The following MCPH1 variants were observed in gnomAD, a reference collection of about 807,000 sequenced individuals.
The protein encoded by MCPH1 is microcephalin 1, also known as microcephalin.
Under a neutral mutation model 84.5 loss-of-function variants are expected in MCPH1, and 104 were observed. That is an observed-to-expected ratio of 1.23 (90% CI 1.05 to 1.45). The LOEUF is 1.45. Ranked by LOEUF, MCPH1 falls within the 40% of genes most tolerant of loss-of-function variation. MCPH1 has a pLI of 0.00. For missense variants in MCPH1, 1,498 were observed against 1,005.7 expected, an observed-to-expected ratio of 1.49 and a Z score of -6.62; for synonymous variants, 514 against 366.8, an observed-to-expected ratio of 1.40 and a Z score of -4.58.
chr8:6,581,504 T>G (rs966057560), intron 12 of MCPH1, among the ~76,000 whole-genome samples: 1 of 152,248 alleles, frequency 6.6e-6, no homozygotes, highest in African/African-American at 2.4e-5. Context: ...TTTTAAAAAT[T>G]ATTAGCCTGT....
intron 2 of MCPH1, among the ~76,000 whole-genome samples, chr8:6,409,797 A>G (rs1354594771): frequency 6.6e-6 from 1 of 152,208 alleles, no homozygotes; most frequent in African/African-American, 2.4e-5. Flanking sequence ...CATAGGGGTC[A>G]TGTGAAGTCA....
chr8:6,452,764 G>A (rs1193647086), intron 8 of MCPH1, among the ~76,000 whole-genome samples: 4 of 152,186 alleles, frequency 2.6e-5, no homozygotes, highest in Admixed American at 6.5e-5. Context: ...AGCCTTCACC[G>A]GAACCCGACC....
At position 6,480,738 on chromosome 8, in the gene MCPH1, T is replaced by G; in HGVS notation, c.1998T>G (p.Val666=). The change falls in exon 11 of 14, where the codon GTT becomes GTG. Residue 666 remains valine, a synonymous_variant. Transcript: ENST00000344683. ...PSEKQNVVIQ[V]VDKLKGFSIA... is the part of the protein sequence containing the mutation. ...GAAAGCAGAATGTCGTCATCCAGGT[T>G]GTGGATAAATTGAAAGGCTTTTCAA... The G allele has an allele frequency of 6.2e-7, 1 of 1,614,168 alleles. No homozygotes were observed.
intron 3 of MCPH1, among the ~76,000 whole-genome samples, chr8:6,419,720 C>T (rs1799888201): frequency 1.3e-5 from 2 of 152,024 alleles, no homozygotes; most frequent in African/African-American, 4.8e-5. Context: ...ACTATGTAGG[C>T]CAGGCTGGGC....
intron 11 of MCPH1, 103 bp from the exon 12 acceptor site, chr8:6,499,749 G>C: frequency 3.3e-6 from 3 of 921,210 alleles, no homozygotes; most frequent in Admixed American, 1.7e-5. Flanking sequence ...TTTCAGATCT[G>C]CGGAGTGTAT....
At chr8:6,489,959 C>T (rs1810379236) in intron 11 of MCPH1, among the ~76,000 whole-genome samples, 1 of 152,224 alleles carries the variant, frequency 6.6e-6, no homozygotes, top group South Asian at 2.1e-4. Flanking sequence ...GTACTTGTTG[C>T]CACCCATCCT....
intron 3 of MCPH1, among the ~76,000 whole-genome samples, chr8:6,430,598 A>G (rs1801701951): frequency 6.6e-6 from 1 of 152,146 alleles, no homozygotes; most frequent in Non-Finnish European, 1.5e-5. Flanking sequence ...ATCAATATGG[A>G]TATGTGTTTT....
intron 3 of MCPH1, among the ~76,000 whole-genome samples, chr8:6,423,316 C>T (rs1265505184): frequency 6.7e-6 from 1 of 150,186 alleles, no homozygotes. Context: ...AGGCGCCCGC[C>T]ACCACGCCTG....
chr8:6,554,308 GA>G (rs10715108), intron 12 of MCPH1, among the ~76,000 whole-genome samples: 17,532 of 142,852 alleles, frequency 0.12, 2,684 homozygotes, highest in African/African-American at 0.37. Context: ...TAAAAAGAGA[GA>G]AAAAAAAAAA....
chr8:6,614,813 C>T (rs2129579788), intron 12 of MCPH1, among the ~76,000 whole-genome samples: 1 of 152,306 alleles, frequency 6.6e-6, no homozygotes, highest in Non-Finnish European at 1.5e-5. Context: ...GGAAGCCAGT[C>T]ACATTACTGG....
chr8:6,483,545 T>A (rs1809487227), intron 11 of MCPH1, among the ~76,000 whole-genome samples: 1 of 152,136 alleles, frequency 6.6e-6, no homozygotes, highest in Non-Finnish European at 1.5e-5. Context: ...TGAAGGCAAT[T>A]CAGTGGAGAA....
chr8:6,440,654 C>T (rs946096916), intron 6 of MCPH1, among the ~76,000 whole-genome samples: 2 of 152,152 alleles, frequency 1.3e-5, no homozygotes, highest in African/African-American at 2.4e-5. Context: ...CTTTTTCAGT[C>T]GGAAGCTTGA....
intron 12 of MCPH1, among the ~76,000 whole-genome samples, chr8:6,547,885 AT>A (rs78972556): frequency 0.062 from 7,336 of 118,852 alleles, 283 homozygotes; most frequent in African/African-American, 0.15. Context: ...TCTTACCCCC[AT>A]TTTTTTTTTT....
chr8:6,630,394 T>A (rs1450732022), intron 13 of MCPH1, among the ~76,000 whole-genome samples: 1 of 152,090 alleles, frequency 6.6e-6, no homozygotes, highest in Non-Finnish European at 1.5e-5. Context: ...TGAAAACAGG[T>A]AAGATGGATG....
chr8:6,543,811 T>G (rs1822044209), intron 12 of MCPH1, among the ~76,000 whole-genome samples: 1 of 152,208 alleles, frequency 6.6e-6, no homozygotes, highest in Admixed American at 6.5e-5. Flanking sequence ...ATTTTCATAT[T>G]TATTTACATA....
At chr8:6,469,440 T>G (rs560200425) in intron 9 of MCPH1, among the ~76,000 whole-genome samples, 9 of 152,314 alleles carry the variant, frequency 5.9e-5, no homozygotes, top group Admixed American at 2.6e-4. Flanking sequence ...AGGATGGGAT[T>G]TGAAGACATT....
At chr8:6,600,779 C>G (rs1001932122) in intron 12 of MCPH1, among the ~76,000 whole-genome samples, 1 of 152,202 alleles carries the variant, frequency 6.6e-6, no homozygotes, top group Non-Finnish European at 1.5e-5. Context: ...AGGAGGCACA[C>G]AGGCCATCGT....
intron 12 of MCPH1, among the ~76,000 whole-genome samples, chr8:6,515,459 C>T (rs1469641353): frequency 6.6e-6 from 1 of 152,206 alleles, no homozygotes; most frequent in Non-Finnish European, 1.5e-5. Context: ...CTGTACATAG[C>T]TCACTGCCCA....
At chr8:6,606,972 T>A (rs1469060165) in intron 12 of MCPH1, among the ~76,000 whole-genome samples, 1 of 152,246 alleles carries the variant, frequency 6.6e-6, no homozygotes, top group Non-Finnish European at 1.5e-5. Flanking sequence ...TAAACCTCTT[T>A]CTTTTGTAAA....
Sources: gnomAD v4.1 joint callset for allele counts (sites outside exome capture counted in the v4.1 genomes callset) on GRCh38, gnomAD v4.1.1 for gene constraint, MANE v1.5 for transcripts, NCBI Gene and HGNC (gene_info 2026-07-23, HGNC 2026-07-21) for gene names.